The following R3HCC1 variants were observed in gnomAD, a reference collection of about 807,000 sequenced individuals.
R3HCC1 encodes R3H and coiled-coil domain-containing protein 1.
A neutral mutation model predicts 40.0 loss-of-function variants in R3HCC1; 32 were observed. The ratio of observed to expected loss-of-function variants is 0.80; its 90% CI spans 0.60 to 1.07. The LOEUF is 1.07. Ranked by LOEUF, R3HCC1 falls within the 50% of genes least tolerant of loss-of-function variation. The pLI is 0.00. For missense variants in R3HCC1, 586 were observed against 563.3 expected (o/e 1.04, Z -0.41); for synonymous variants, 237 against 232.8 (o/e 1.02, Z -0.17).
intron 3 of R3HCC1, 85 bp downstream of exon 3, chr8:23,289,238 G>A: frequency 6.9e-7 from 1 of 1,445,516 alleles, no homozygotes; most frequent in Non-Finnish European, 9.3e-7. Flanking sequence ...GGGCAGGGCT[G>A]GGGGGAACCA....
chr8:23,292,623 AAAAATAAAAAC>A (rs1212882345), intron 5 of R3HCC1, among the ~76,000 whole-genome samples: 1 of 143,590 alleles, frequency 7.0e-6, no homozygotes, highest in Non-Finnish European at 1.6e-5. Flanking sequence ...CAAAAAAAAT[AAAAATAAAAAC>A]AAAAAGAAAC....
rs2117120849 is a variant in R3HCC1 at position 23,290,425 on chromosome 8, C to T, written c.808C>T (p.Pro270Ser). Residue 270 changes from proline to serine, a missense_variant, in exon 4 of 8, where the codon CCC becomes TCC. Coordinates refer to ENST00000265806, the MANE Select transcript of R3HCC1 (RefSeq NM_001136108.3). The stretch of plus-strand genomic sequence containing the variant: ...CGAAGAGGAGGTGGAAGAGGATGGC[C>T]CCAGCAGCTGCTCGGAGGACGATTA... The T allele has an allele frequency of 6.4e-7, 1 of 1,551,364 alleles. No individual in the cohort carries two copies. Among genetic ancestry groups the T allele is most frequent in the South Asian group, 1.2e-5 (1 of 83,982 alleles).
rs2117127559 is a variant in R3HCC1, at chr8:23,294,771, G to A, written c.1099G>A (p.Ala367Thr). The A allele has an allele frequency of 6.4e-7, 1 of 1,551,022 alleles. No homozygotes were observed. The highest frequency in any genetic ancestry group is 2.4e-5 in the East Asian group (1 of 40,898). Residue 367 changes from alanine (A) to threonine (T), a missense_variant and splice_region_variant, in exon 7 of 8, where the codon GCG becomes ACG. Ala to Thr is a moderately conservative substitution (Grantham distance 58). Coordinates refer to ENST00000265806, the MANE Select transcript of R3HCC1 (RefSeq NM_001136108.3). Reference sequence around the variant, plus strand: ...CCACGCCTGCTTTCTTTCCACAGCTGCGGAAGCCCTGACCCGGGAGTTCTC... The same window carrying A: ...CCACGCCTGCTTTCTTTCCACAGCTACGGAAGCCCTGACCCGGGAGTTCTC...
At position 23,295,916 on chromosome 8, in the gene R3HCC1, A is replaced by T. The variant is rs1803003342; in HGVS notation, c.1193-51A>T. 6 of 1,500,934 alleles carry T rather than the reference A, an allele frequency of 4.0e-6. No individual in the cohort carries two copies. In the South Asian group the frequency reaches 5.1e-5, roughly 13 times the overall value. The allele number at this position is 1,500,934 out of a possible 1,614,324, so 93.0% of individuals were successfully genotyped here. ...TACGGCTGCTGTGTTGCTGGGGGAG[A>T]GGCAGCCACGACCTTGTGTTTAGGT... On this transcript the variant is annotated intron_variant, in intron 7 of 7. Transcript: ENST00000265806.
chr8:23,291,381 G>C lies in R3HCC1; in HGVS notation c.873G>C (p.Lys291Asn). The C allele has an allele frequency of 6.4e-7, 1 of 1,551,848 alleles. No homozygotes were observed. The highest frequency in any genetic ancestry group is 8.7e-7 in the Non-Finnish European group (1 of 1,146,980). The change falls in exon 5 of 8, where the codon AAG becomes AAC. Residue 291 changes from lysine to asparagine, a missense_variant. Lys to Asn is a moderately conservative substitution (Grantham distance 94). Transcript: ENST00000265806. The stretch of plus-strand genomic sequence containing the variant: ...CCTAGATCACAGACAACCTGACGAA[G>C]AAGGAGATTCAGATAGAGAAGATCC...
Position 23,289,979 on chromosome 8 carries a change from G to T in R3HCC1, c.362G>T (p.Gly121Val), listed in dbSNP as rs1802825445. ...CAAGGAGCAGCTGCGGTTCCCCGAG[G>T]TGCCCGGGCTGGCCGGTGGTATCGT... Residue 121 changes from glycine to valine, a missense_variant, in exon 4 of 8, where the codon GGT becomes GTT. Coordinates refer to ENST00000265806, the MANE Select transcript of R3HCC1 (RefSeq NM_001136108.3). 2 of 1,536,604 alleles carry T rather than the reference G, an allele frequency of 1.3e-6. No homozygotes were observed. The highest frequency in any genetic ancestry group is 1.7e-6 in the Non-Finnish European group (2 of 1,146,942).
chr8:23,290,605 G>C (rs1802846770), intron 4 of R3HCC1, 136 bp downstream of exon 4: 1 of 1,055,608 alleles, frequency 9.5e-7, no homozygotes, highest in African/African-American at 1.6e-5. Context: ...TGGGTGACAG[G>C]GATTCCTTAG....
intron 4 of R3HCC1, among the ~76,000 whole-genome samples, chr8:23,290,803 G>A (rs902807061): frequency 4.6e-5 from 7 of 152,166 alleles, no homozygotes; most frequent in Admixed American, 6.5e-5. Context: ...CTTGTGTTAC[G>A]GATGCCAGTC....
chr8:23,289,599 A>C (rs76312209), intron 3 of R3HCC1, among the ~76,000 whole-genome samples: 13,445 of 152,216 alleles, frequency 0.088, 968 homozygotes, highest in East Asian at 0.36. Context: ...TAAATGCAAG[A>C]GCTTACCTCC....
At position 23,293,371 on chromosome 8, in the gene R3HCC1, C is replaced by T. The variant is rs1034426116; in HGVS notation, c.1094C>T (p.Ser365Leu). 1.5e-5 allele frequency: 24 copies of T among 1,550,440 alleles called. No homozygotes were observed. The highest frequency in any genetic ancestry group is 2.0e-5 in the Non-Finnish European group (23 of 1,146,226). Reference sequence around the variant, plus strand: ...CTCGGCATCTTTCCCTGCCTGGCCTCAGGTAAGGCACCCCCAGTGGGCCCA... The same window carrying T: ...CTCGGCATCTTTCCCTGCCTGGCCTTAGGTAAGGCACCCCCAGTGGGCCCA... The change falls in exon 6 of 8, where the codon TCA becomes TTA. Residue 365 changes from serine to leucine, a missense_variant and splice_region_variant. Physicochemically the swap from Ser to Leu is moderately radical, Grantham distance 145 (BLOSUM62 -2). Coordinates refer to ENST00000265806, the MANE Select transcript of R3HCC1 (RefSeq NM_001136108.3).
chr8:23,292,245 C>T (rs1159073018), intron 5 of R3HCC1, among the ~76,000 whole-genome samples: 6 of 152,044 alleles, frequency 3.9e-5, no homozygotes, highest in Admixed American at 2.6e-4. Flanking sequence ...CTCCCACCTT[C>T]GTCTCCCAAG....
At chr8:23,292,870 C>G (rs146605357) in intron 5 of R3HCC1, among the ~76,000 whole-genome samples, 21 of 152,238 alleles carry the variant, frequency 1.4e-4, no homozygotes, top group African/African-American at 4.1e-4. Flanking sequence ...CCTTCCTGAG[C>G]AATAGGAATA....
Position 23,294,908 on chromosome 8 carries a change from TGTGTGCGTGCGAGCATGTGTGTGTGTGC to T in R3HCC1, c.1192+50_1192+77del, listed in dbSNP as rs779739751. On this transcript the variant is annotated intron_variant, in intron 7 of 7. Coordinates refer to ENST00000265806, the MANE Select transcript of R3HCC1 (RefSeq NM_001136108.3). ...CCTGAATAGGGAGGCTGTGTGTGTG[TGTGTGCGTGCGAGCATGTGTGTGTGTGC>T]GTGTGTGTGTGTCTGGTTTGGGCAG... 8.7e-6 allele frequency: 12 copies of T among 1,377,016 alleles called. No homozygotes were observed. The African/African-American group carries it at 1.6e-4, about 18-fold the overall frequency. The allele number at this position is 1,377,016 out of a possible 1,614,324, so 85.3% of individuals were successfully genotyped here. A position where few individuals can be genotyped will look rare whatever the true frequency, so the allele number is the denominator to read the frequency against.
At chr8:23,295,552 G>C (rs1180980679) in intron 7 of R3HCC1, 1 of 464,898 alleles carries the variant, frequency 2.2e-6, no homozygotes, top group Non-Finnish European at 4.3e-6. Flanking sequence ...GAGGCCAGCT[G>C]TGCTCTCGTG....
At chr8:23,288,471 G>T in intron 1 of R3HCC1, 35 bp from the exon 2 acceptor site, 5 of 1,534,796 alleles carry the variant, frequency 3.3e-6, no homozygotes, top group African/African-American at 1.4e-5. Flanking sequence ...GGGGGTCTGT[G>T]CTCTGATTCC....
intron 7 of R3HCC1, chr8:23,295,623 G>A: frequency 2.1e-6 from 1 of 465,622 alleles, no homozygotes; most frequent in South Asian, 1.9e-5. Flanking sequence ...CTGTCCGTAG[G>A]TCTGTGAGCT....
intron 3 of R3HCC1, 84 bp from the exon 4 acceptor site, chr8:23,289,782 C>T (rs1430101616): frequency 1.4e-6 from 2 of 1,434,162 alleles, no homozygotes; most frequent in African/African-American, 1.4e-5. Flanking sequence ...CCGAATGTCT[C>T]TCCTGAATGA....
chr8:23,293,762 G>A (rs1802925546), intron 6 of R3HCC1, among the ~76,000 whole-genome samples: 1 of 152,132 alleles, frequency 6.6e-6, no homozygotes, highest in Non-Finnish European at 1.5e-5. Flanking sequence ...ATTCTTACTC[G>A]ATTTTCGCTT....
chr8:23,294,577 C>T (rs570129000), intron 6 of R3HCC1, among the ~76,000 whole-genome samples, 192 bp from the exon 7 acceptor site: 192 of 152,210 alleles, frequency 1.3e-3, no homozygotes, highest in African/African-American at 4.2e-3. Context: ...TGTCCCTGTG[C>T]GGGCCTGTGG....
Sources: allele counts gnomAD v4.1 joint callset (sites outside exome capture counted in the v4.1 genomes callset), GRCh38; gene constraint gnomAD v4.1.1; transcripts MANE v1.5; gene names NCBI Gene and HGNC (gene_info 2026-07-23, HGNC 2026-07-21).